Variants in SLC39A9 observed in about 807,000 individuals in gnomAD.
SLC39A9 encodes the protein solute carrier family 39 member 9.
SLC39A9 carries 14 observed loss-of-function variants against 28.4 expected under a neutral mutation model. That is an observed-to-expected ratio of 0.49 (90% CI 0.33 to 0.77). The LOEUF is 0.77. SLC39A9 is among the 30% of genes least tolerant of loss of function. The probability of loss-of-function intolerance (pLI) is 0.02; values close to 1 mark genes in which losing one functional copy is unlikely to be tolerated. For missense variants in SLC39A9, 283 were observed against 381.1 expected (o/e 0.74, Z 2.14); for synonymous variants, 119 against 149.6 (o/e 0.80, Z 1.49).
At chr14:69,453,488 A>C (rs1885711836) in intron 4 of SLC39A9, among the ~76,000 whole-genome samples, 179 bp downstream of exon 4, 1 of 152,156 alleles carries the variant, frequency 6.6e-6, no homozygotes. Flanking sequence ...AGGGGTTTGC[A>C]AGCTAAGAAT....
At chr14:69,451,701 A>G (rs1208708289) in intron 3 of SLC39A9, among the ~76,000 whole-genome samples, 2 of 152,150 alleles carry the variant, frequency 1.3e-5, no homozygotes, top group Non-Finnish European at 2.9e-5. Flanking sequence ...TTGAGCTGGA[A>G]TCAATTTTTT....
At chr14:69,448,911 G>A (rs1274450841) in intron 3 of SLC39A9, among the ~76,000 whole-genome samples, 1 of 152,180 alleles carries the variant, frequency 6.6e-6, no homozygotes, top group East Asian at 1.9e-4. Context: ...TGTACAGAGA[G>A]CGTGAGTATA....
chr14:69,441,834 G>T (rs982749257), intron 2 of SLC39A9: 13 of 1,251,052 alleles, frequency 1.0e-5, no homozygotes, highest in Admixed American at 4.0e-5. Flanking sequence ...CTTCCCAGGT[G>T]TTGAGAATAA....
chr14:69,423,989 T>C, intron 1 of SLC39A9, 105 bp from the exon 2 acceptor site: 1 of 697,824 alleles, frequency 1.4e-6, no homozygotes, highest in Non-Finnish European at 2.5e-6. Context: ...TTGTAGATGT[T>C]GGTCTCACAA....
chr14:69,461,577 A>T lies in SLC39A9; in HGVS notation c.*2984A>T. The T allele has an allele frequency of 2.7e-6, 4 of 1,500,892 alleles. No homozygotes were observed. Among genetic ancestry groups the T allele is most frequent in the Non-Finnish European group, 3.5e-6 (4 of 1,129,048 alleles). 93.0% of individuals were successfully genotyped at this position (1,500,892 alleles called of 1,614,324 possible). A position where few individuals can be genotyped will look rare whatever the true frequency, so the allele number is the denominator to read the frequency against. Reference sequence around the variant, plus strand: ...TTCTGGTATTTTGAATCATTAGAGAAAAGAAAGGGAGTGGCTGTTTTGAGT... The same window carrying T: ...TTCTGGTATTTTGAATCATTAGAGATAAGAAAGGGAGTGGCTGTTTTGAGT... On this transcript the variant is annotated 3_prime_UTR_variant, in exon 7 of 7. Coordinates refer to ENST00000336643, the MANE Select transcript of SLC39A9 (RefSeq NM_018375.5).
intron 6 of SLC39A9, among the ~76,000 whole-genome samples, chr14:69,456,933 T>C (rs944483314): frequency 1.3e-5 from 2 of 152,210 alleles, no homozygotes; most frequent in East Asian, 1.9e-4. Flanking sequence ...AAGAGCCTTC[T>C]CTTCTTTCAG....
At chr14:69,446,109 A>G (rs765198862) in intron 3 of SLC39A9, among the ~76,000 whole-genome samples, 4 of 152,030 alleles carry the variant, frequency 2.6e-5, no homozygotes, top group African/African-American at 4.8e-5. Flanking sequence ...GATTGAGTCA[A>G]TGGGTCATGT....
chr14:69,412,032 C>T lies in SLC39A9; in HGVS notation c.97-12062C>T, dbSNP rs371607965. Among the ~76,000 whole-genome samples the T allele has an allele frequency of 2.6e-5, 4 of 152,020 alleles. No individual in the cohort carries two copies. In the East Asian group the frequency reaches 6.0e-4, roughly 23 times the overall value. On this transcript the variant is annotated intron_variant, in intron 1 of 6. Coordinates refer to ENST00000336643, the MANE Select transcript of SLC39A9 (RefSeq NM_018375.5). ...TCTTGACCTCGTGATCCGCCTGCCT[C>T]AACCTCCCATAGTGCTGGGATTACA...
intron 4 of SLC39A9, among the ~76,000 whole-genome samples, chr14:69,453,533 A>G (rs77181386): frequency 1.3e-5 from 2 of 149,600 alleles, no homozygotes; most frequent in African/African-American, 5.0e-5. Flanking sequence ...AAAAAAAAAA[A>G]GAGAGAGAGG....
At chr14:69,435,914 C>G (rs369113609) in intron 2 of SLC39A9, among the ~76,000 whole-genome samples, 1 of 152,022 alleles carries the variant, frequency 6.6e-6, no homozygotes, top group African/African-American at 2.4e-5. Flanking sequence ...CTCAGGTGAT[C>G]CACCTGCCTT....
In SLC39A9 at chr14:69,458,557, C is replaced by T. The variant is rs1228709088; in HGVS notation, c.888C>T (p.Leu296=). 1.2e-6 allele frequency: 2 copies of T among 1,613,944 alleles called. No homozygotes were observed. The highest frequency in any genetic ancestry group is 1.7e-5 in the Admixed American group (1 of 60,006). The change falls in exon 7 of 7, where the codon CTC becomes CTT. Residue 296 remains leucine, a synonymous_variant. Transcript: ENST00000336643. Reference sequence around the variant, plus strand: ...TGGCAGCCCTGGTTCTGGGTTGCCTCATCCCTCTCATCCTGTCAGTAGGAC... The same window carrying T: ...TGGCAGCCCTGGTTCTGGGTTGCCTTATCCCTCTCATCCTGTCAGTAGGAC... ...LEVAALVLGC[L]IPLILSVGHQ... is the part of the protein sequence containing the mutation.
Position 69,461,713 on chromosome 14 carries a change from A to G in SLC39A9, c.*3120A>G. On this transcript the variant is annotated 3_prime_UTR_variant, in exon 7 of 7. Coordinates refer to ENST00000336643, the MANE Select transcript of SLC39A9 (RefSeq NM_018375.5). ...TTTTTCAAGGATTAGAACTAAGAGG[A>G]CACACCAGCATCGGAGTGTATTAAG... is the stretch of plus-strand genomic sequence containing the variant. 2 of 1,535,944 alleles carry G rather than the reference A, an allele frequency of 1.3e-6. No individual in the cohort carries two copies. Among genetic ancestry groups the G allele is most frequent in the Non-Finnish European group, 1.7e-6 (2 of 1,146,862 alleles).
intron 1 of SLC39A9, among the ~76,000 whole-genome samples, chr14:69,416,619 C>A (rs1405254146): frequency 1.3e-5 from 2 of 152,328 alleles, no homozygotes; most frequent in South Asian, 2.1e-4. Flanking sequence ...TTCTCCACAT[C>A]CTCTCCAGCA....
At chr14:69,444,392 T>A (rs1284114942) in intron 3 of SLC39A9, among the ~76,000 whole-genome samples, 1 of 152,114 alleles carries the variant, frequency 6.6e-6, no homozygotes, top group African/African-American at 2.4e-5. Context: ...CAATAAGATA[T>A]TAAAATGGCC....
At chr14:69,402,090 C>CTA (rs1285037520) in intron 1 of SLC39A9, among the ~76,000 whole-genome samples, 1 of 152,102 alleles carries the variant, frequency 6.6e-6, no homozygotes, top group Non-Finnish European at 1.5e-5. Flanking sequence ...TTCTTAGAGG[C>CTA]TAGTGTTACT....
chr14:69,400,130 C>T lies in SLC39A9; in HGVS notation c.96+665C>T, dbSNP rs116446573. 3.0e-3 allele frequency among the ~76,000 whole-genome samples: 461 copies of T among 152,256 alleles called. 4 individuals are homozygous for T. Among genetic ancestry groups the T allele is most frequent in the African/African-American group, 0.011 (449 of 41,546 alleles). ...GAACTGAAATCAATATGATAACTTC[C>T]TTTTGAGAAAGTCAAACACACCTTT... On this transcript the variant is annotated intron_variant, in intron 1 of 6. Transcript: ENST00000336643.
At chr14:69,406,844 C>CTTTTT (rs1555405656) in intron 1 of SLC39A9, among the ~76,000 whole-genome samples, 1 of 99,484 alleles carries the variant, frequency 1.0e-5, no homozygotes, top group Admixed American at 9.8e-5. Context: ...ACTGGAAATT[C>CTTTTT]TTTGTTTTTT....
At chr14:69,403,229 T>TTCAATC (rs1425649847) in intron 1 of SLC39A9, among the ~76,000 whole-genome samples, 2 of 152,252 alleles carry the variant, frequency 1.3e-5, no homozygotes, top group East Asian at 3.8e-4. Context: ...GAATTGCTAA[T>TTCAATC]GAGTAGTTTT....
chr14:69,401,282 A>G (rs1882618463), intron 1 of SLC39A9, among the ~76,000 whole-genome samples: 2 of 152,322 alleles, frequency 1.3e-5, no homozygotes, highest in Non-Finnish European at 2.9e-5. Context: ...TGTTAGGCAC[A>G]GTCCTCCTTG....
Sources: allele counts gnomAD v4.1 joint callset (sites outside exome capture counted in the v4.1 genomes callset), GRCh38; gene constraint gnomAD v4.1.1; transcripts MANE v1.5; gene names NCBI Gene and HGNC (gene_info 2026-07-23, HGNC 2026-07-21).